SHISA9: variants seen among roughly 807,000 people sequenced by gnomAD.
SHISA9 encodes the protein shisa family member 9, also known as protein shisa-9.
A neutral mutation model predicts 38.0 loss-of-function variants in SHISA9; 13 were observed. The observed-to-expected ratio is 0.34, with a 90% CI of 0.22 to 0.54. The LOEUF is 0.54. Among genes scored for constraint, SHISA9 ranks in the 20% least tolerant of loss-of-function variants. The pLI is 0.91. For synonymous variants in SHISA9, 275 were observed against 242.0 expected, an observed-to-expected ratio of 1.14 and a Z score of -1.27; for missense variants, 538 against 575.8, an observed-to-expected ratio of 0.93 and a Z score of 0.67.
At chr16:13,416,107 G>A in the SHISA9 span, among the ~76,000 whole-genome samples, 14 of 152,076 alleles carry the variant, frequency 9.2e-5, no homozygotes, top group East Asian at 2.1e-3. Flanking sequence ...CCTATGCACC[G>A]TTCTGTAGGT....
At chr16:13,459,794 C>T in the SHISA9 span, among the ~76,000 whole-genome samples, 2 of 152,208 alleles carry the variant, frequency 1.3e-5, no homozygotes, top group Admixed American at 6.5e-5. Context: ...GGAAAGGCAT[C>T]ATGCCGTTAT....
the SHISA9 span, among the ~76,000 whole-genome samples, chr16:13,542,167 C>A: frequency 6.6e-6 from 1 of 152,088 alleles, no homozygotes; most frequent in Non-Finnish European, 1.5e-5. Flanking sequence ...AGAATTCTGC[C>A]CTTGAGCCTT....
intron 2 of SHISA9, among the ~76,000 whole-genome samples, chr16:13,190,359 T>C (rs559411552): frequency 4.3e-4 from 66 of 152,218 alleles, no homozygotes; most frequent in African/African-American, 1.5e-3. Context: ...ATGATGATGG[T>C]GAGCCACCAA....
the SHISA9 span, among the ~76,000 whole-genome samples, chr16:13,279,541 C>G: frequency 1.3e-5 from 2 of 151,908 alleles, no homozygotes; most frequent in South Asian, 2.1e-4. Flanking sequence ...TCAATCCTCT[C>G]AAATTTATTG....
At chr16:13,140,323 C>T (rs1055735827) in intron 2 of SHISA9, among the ~76,000 whole-genome samples, 1 of 151,782 alleles carries the variant, frequency 6.6e-6, no homozygotes, top group Non-Finnish European at 1.5e-5. Flanking sequence ...GTCACAGGTG[C>T]CCACCACCAC....
At chr16:13,413,777 A>T in the SHISA9 span, among the ~76,000 whole-genome samples, 19 of 151,194 alleles carry the variant, frequency 1.3e-4, no homozygotes, top group Non-Finnish European at 2.8e-4. Flanking sequence ...AAAAAAAAAA[A>T]AAAAAAAAGA....
the SHISA9 span, among the ~76,000 whole-genome samples, chr16:13,461,003 A>T: frequency 1.3e-5 from 2 of 152,218 alleles, no homozygotes; most frequent in African/African-American, 4.8e-5. Context: ...TTGCTGTCTC[A>T]GGCAGTAATC....
chr16:13,376,660 C>T, the SHISA9 span, among the ~76,000 whole-genome samples: 1 of 152,090 alleles, frequency 6.6e-6, no homozygotes, highest in Non-Finnish European at 1.5e-5. Context: ...GCTGAAAGAA[C>T]ATCCCTTATT....
chr16:13,405,454 T>G, the SHISA9 span, among the ~76,000 whole-genome samples: 1 of 152,182 alleles, frequency 6.6e-6, no homozygotes. Context: ...ACCCCAGAAC[T>G]GGAAGACATT....
chr16:13,319,307 G>A, the SHISA9 span, among the ~76,000 whole-genome samples: 3 of 152,238 alleles, frequency 2.0e-5, no homozygotes, highest in Admixed American at 1.3e-4. Flanking sequence ...ACCACACCTG[G>A]CCAACCACAT....
At chr16:12,983,704 G>A (rs1228185927) in intron 2 of SHISA9, among the ~76,000 whole-genome samples, 1 of 152,160 alleles carries the variant, frequency 6.6e-6, no homozygotes, top group East Asian at 1.9e-4. Flanking sequence ...TAGCCAGGAT[G>A]GTCTCGATCT....
At chr16:12,959,607 G>T (rs959520398) in intron 2 of SHISA9, among the ~76,000 whole-genome samples, 1 of 152,176 alleles carries the variant, frequency 6.6e-6, no homozygotes, top group Admixed American at 6.5e-5. Context: ...CAAAAACCAG[G>T]GCGGAGAGAG....
chr16:13,536,208 A>C, the SHISA9 span, among the ~76,000 whole-genome samples: 1 of 152,132 alleles, frequency 6.6e-6, no homozygotes, highest in Non-Finnish European at 1.5e-5. Flanking sequence ...TATGTTGGCC[A>C]GGCTGGTCTC....
At chr16:13,182,792 CTT>C (rs2050789224) in intron 2 of SHISA9, among the ~76,000 whole-genome samples, 2 of 151,640 alleles carry the variant, frequency 1.3e-5, no homozygotes, top group South Asian at 4.2e-4. Flanking sequence ...TCTTTGGAAA[CTT>C]AGTAGCTTAA....
the SHISA9 span, among the ~76,000 whole-genome samples, chr16:13,266,868 A>G: frequency 2.0e-5 from 3 of 152,164 alleles, no homozygotes; most frequent in East Asian, 5.8e-4. Context: ...ATTATTTAGT[A>G]CCCACTGCTG....
chr16:12,919,744 T>A (rs182357354), intron 2 of SHISA9, among the ~76,000 whole-genome samples: 8 of 152,338 alleles, frequency 5.3e-5, no homozygotes, highest in Admixed American at 5.2e-4. Context: ...TGCCTTTTTA[T>A]CTAAAGACGG....
intron 2 of SHISA9, 55 bp downstream of exon 2, chr16:12,916,870 T>C (rs2071265972): frequency 9.8e-6 from 15 of 1,523,386 alleles, no homozygotes; most frequent in South Asian, 5.1e-5. Flanking sequence ...TGAGCAGTGG[T>C]CACATTGCCA....
chr16:13,001,195 TG>T (rs1483806324), intron 2 of SHISA9, among the ~76,000 whole-genome samples: 2 of 152,254 alleles, frequency 1.3e-5, no homozygotes, highest in African/African-American at 4.8e-5. Context: ...CCCAAAGTGC[TG>T]GGATTACAGG....
intron 2 of SHISA9, among the ~76,000 whole-genome samples, chr16:13,107,409 T>G (rs1482338561): frequency 2.6e-5 from 4 of 151,130 alleles, no homozygotes; most frequent in African/African-American, 9.8e-5. Flanking sequence ...CACTACAGCT[T>G]GGGCGACAGA....
Sources: allele counts gnomAD v4.1 joint callset (sites outside exome capture counted in the v4.1 genomes callset), GRCh38; gene constraint gnomAD v4.1.1; transcripts MANE v1.5; gene names NCBI Gene and HGNC (gene_info 2026-07-23, HGNC 2026-07-21).